GALNT17: variants seen among roughly 807,000 people sequenced by gnomAD.
GALNT17 encodes UDP-GalNAc:polypeptide N-acetylgalactosaminyltransferase-like 3.
In GALNT17, 29 loss-of-function variants were observed where a neutral mutation model predicts 63.7. That is an observed-to-expected ratio of 0.46 (90% CI 0.34 to 0.62). GALNT17 has a LOEUF of 0.62. Ranked by LOEUF, GALNT17 falls within the 20% of genes least tolerant of loss-of-function variation. The pLI, the probability that GALNT17 is intolerant of heterozygous loss-of-function variation, is 0.01. For missense variants in GALNT17, 603 were observed against 799.6 expected, an observed-to-expected ratio of 0.75 and a Z score of 2.97; for synonymous variants, 305 against 318.3, an observed-to-expected ratio of 0.96 and a Z score of 0.45.
At chr7:71,260,118 T>C (rs1790359931) in intron 1 of GALNT17, among the ~76,000 whole-genome samples, 1 of 152,166 alleles carries the variant, frequency 6.6e-6, no homozygotes, top group Non-Finnish European at 1.5e-5. Context: ...GCAATAGAAG[T>C]TGCAGTGAGG....
chr7:71,416,846 G>C (rs1786543035), intron 4 of GALNT17, among the ~76,000 whole-genome samples: 1 of 152,176 alleles, frequency 6.6e-6, no homozygotes, highest in Non-Finnish European at 1.5e-5. Flanking sequence ...TTCGGAGGAA[G>C]GTGAAGCGCA....
At chr7:71,517,661 A>C (rs1788466289) in intron 5 of GALNT17, among the ~76,000 whole-genome samples, 1 of 152,254 alleles carries the variant, frequency 6.6e-6, no homozygotes, top group African/African-American at 2.4e-5. Context: ...AGGATAATGG[A>C]GTTCAAGCAT....
At chr7:71,424,650 C>G (rs1311727347) in intron 5 of GALNT17, among the ~76,000 whole-genome samples, 1 of 152,140 alleles carries the variant, frequency 6.6e-6, no homozygotes, top group Non-Finnish European at 1.5e-5. Flanking sequence ...TGTGTCTTAA[C>G]TTACGGAATG....
At chr7:71,438,647 A>G (rs1218703217) in intron 5 of GALNT17, among the ~76,000 whole-genome samples, 2 of 152,188 alleles carry the variant, frequency 1.3e-5, no homozygotes, top group African/African-American at 4.8e-5. Flanking sequence ...AAAATGCTTA[A>G]AACAGTCCAT....
intron 1 of GALNT17, among the ~76,000 whole-genome samples, chr7:71,243,393 T>C (rs565811429): frequency 6.6e-6 from 1 of 152,334 alleles, no homozygotes; most frequent in Admixed American, 6.5e-5. Context: ...AATAGACTAA[T>C]ACATCTACTC....
At chr7:71,331,796 CT>C (rs1273488723) in intron 1 of GALNT17, among the ~76,000 whole-genome samples, 3 of 152,142 alleles carry the variant, frequency 2.0e-5, no homozygotes, top group Non-Finnish European at 2.9e-5. Context: ...TACCTTCCCC[CT>C]GAGCTTGTCA....
At chr7:71,184,549 T>C (rs545517503) in intron 1 of GALNT17, among the ~76,000 whole-genome samples, 9 of 152,302 alleles carry the variant, frequency 5.9e-5, no homozygotes, top group South Asian at 4.1e-4. Flanking sequence ...CCTCTTAAGA[T>C]AGGCTCTGTT....
intron 2 of GALNT17, among the ~76,000 whole-genome samples, chr7:71,344,026 G>GC (rs920428476): frequency 6.6e-6 from 1 of 152,050 alleles, no homozygotes; most frequent in African/African-American, 2.4e-5. Flanking sequence ...TTGGAGAAGA[G>GC]CAAGGCATCT....
chr7:71,667,762 T>C (rs1362440552), intron 7 of GALNT17, among the ~76,000 whole-genome samples: 1 of 151,808 alleles, frequency 6.6e-6, no homozygotes, highest in Non-Finnish European at 1.5e-5. Context: ...CCCTGTGAAA[T>C]AGTGAAATAG....
intron 6 of GALNT17, among the ~76,000 whole-genome samples, chr7:71,641,979 T>C (rs1163324577): frequency 6.6e-6 from 1 of 152,134 alleles, no homozygotes; most frequent in Non-Finnish European, 1.5e-5. Context: ...TGGTAGAGAA[T>C]TTCGGCTGGA....
At chr7:71,135,781 C>T (rs961596231) in intron 1 of GALNT17, among the ~76,000 whole-genome samples, 4 of 152,188 alleles carry the variant, frequency 2.6e-5, no homozygotes, top group Non-Finnish European at 4.4e-5. Flanking sequence ...ATTTTGGGGA[C>T]TTAAGCTGAG....
At chr7:71,611,834 A>G (rs908007577) in intron 6 of GALNT17, among the ~76,000 whole-genome samples, 1 of 152,004 alleles carries the variant, frequency 6.6e-6, no homozygotes, top group Non-Finnish European at 1.5e-5. Context: ...AAAGGGATGG[A>G]TGGAAGAAAA....
intron 5 of GALNT17, among the ~76,000 whole-genome samples, chr7:71,512,067 G>A (rs1788365797): frequency 7.4e-6 from 1 of 135,706 alleles, no homozygotes; most frequent in African/African-American, 2.8e-5. Flanking sequence ...CCAGGCTGAT[G>A]TACTGACTCA....
intron 1 of GALNT17, among the ~76,000 whole-genome samples, chr7:71,300,107 C>T (rs1057076546): frequency 5.3e-5 from 8 of 152,160 alleles, no homozygotes; most frequent in Non-Finnish European, 8.8e-5. Flanking sequence ...CTCATAATCC[C>T]GGCCTCTCAA....
chr7:71,350,533 CAATA>C (rs1456874883), intron 2 of GALNT17, among the ~76,000 whole-genome samples: 1 of 151,842 alleles, frequency 6.6e-6, no homozygotes, highest in Non-Finnish European at 1.5e-5. Context: ...AGCAATACGA[CAATA>C]AAAAATACAA....
chr7:71,155,611 A>AT (rs1301182042), intron 1 of GALNT17, among the ~76,000 whole-genome samples: 1 of 150,510 alleles, frequency 6.6e-6, no homozygotes, highest in Admixed American at 6.6e-5. Flanking sequence ...CTATTTATTT[A>AT]TTTTTTTCCT....
In GALNT17 at chr7:71,512,106, G is replaced by A. The variant is rs147098330; in HGVS notation, c.963-59179G>A. Reference sequence around the variant, plus strand: ...CAACATCCTCCTCCCAGGTGTAAGCGATTCTCCCGCCTCAGCCTCCCAAGT... The same window carrying A: ...CAACATCCTCCTCCCAGGTGTAAGCAATTCTCCCGCCTCAGCCTCCCAAGT... On this transcript the variant is annotated intron_variant, in intron 5 of 10. Coordinates refer to ENST00000333538, the MANE Select transcript of GALNT17 (RefSeq NM_022479.3). Among the ~76,000 whole-genome samples the A allele has an allele frequency of 1.6e-3, 241 of 149,648 alleles. 2 individuals are homozygous for A. The highest frequency in any genetic ancestry group is 5.4e-3 in the African/African-American group (219 of 40,416).
At chr7:71,304,067 C>G (rs1247683661) in intron 1 of GALNT17, among the ~76,000 whole-genome samples, 1 of 152,172 alleles carries the variant, frequency 6.6e-6, no homozygotes, top group Admixed American at 6.5e-5. Context: ...GCTTTTCACT[C>G]TAATTTCTGC....
Position 71,158,001 on chromosome 7 carries a change from A to G in GALNT17, c.238+24961A>G, listed in dbSNP as rs1053995710. Among the ~76,000 whole-genome samples the G allele has an allele frequency of 2.0e-4, 31 of 151,766 alleles. 1 individual carries two copies. Among genetic ancestry groups the G allele is most frequent in the African/African-American group, 7.5e-4 (31 of 41,086 alleles). ...AATAATATTCCACTGTATGTATATG[A>G]CATATTTTCATTATCCATTCATCCA... is the stretch of plus-strand genomic sequence containing the variant. On this transcript the variant is annotated intron_variant, in intron 1 of 10. Coordinates refer to ENST00000333538, the MANE Select transcript of GALNT17 (RefSeq NM_022479.3).
Sources: allele counts gnomAD v4.1 joint callset (sites outside exome capture counted in the v4.1 genomes callset), GRCh38; gene constraint gnomAD v4.1.1; transcripts MANE v1.5; gene names NCBI Gene and HGNC (gene_info 2026-07-23, HGNC 2026-07-21).